Variants in MINDY3 observed in about 807,000 individuals in gnomAD.
MINDY3 encodes MINDY lysine 48 deubiquitinase 3, also known as ubiquitin carboxyl-terminal hydrolase MINDY-3.
Under a neutral mutation model 69.2 loss-of-function variants are expected in MINDY3, and 38 were observed. The ratio of observed to expected loss-of-function variants is 0.55; its 90% CI spans 0.42 to 0.72. The LOEUF is 0.72. Ranked by LOEUF, MINDY3 falls within the 30% of genes least tolerant of loss-of-function variation. The probability of loss-of-function intolerance (pLI) is 0.00; values close to 1 mark genes in which losing one functional copy is unlikely to be tolerated. For synonymous variants in MINDY3, 192 were observed against 180.1 expected (o/e 1.07, Z -0.53); for missense variants, 522 against 519.0 (o/e 1.01, Z -0.06).
intron 11 of MINDY3, among the ~76,000 whole-genome samples, chr10:15,794,048 T>C (rs1233438448): frequency 1.3e-5 from 2 of 152,008 alleles, no homozygotes; most frequent in Non-Finnish European, 2.9e-5. Flanking sequence ...CACCTACCTG[T>C]CAGAGAGCTG....
At chr10:15,837,346 G>T in intron 5 of MINDY3, 28 bp from the exon 6 acceptor site, 1 of 1,480,604 alleles carries the variant, frequency 6.8e-7, no homozygotes, top group Non-Finnish European at 9.3e-7. Context: ...TTAAGTATTG[G>T]TATCATGATG....
At chr10:15,848,616 A>G (rs1834023825) in intron 1 of MINDY3, among the ~76,000 whole-genome samples, 1 of 135,330 alleles carries the variant, frequency 7.4e-6, no homozygotes, top group African/African-American at 2.8e-5. Flanking sequence ...CTTGGGCCAC[A>G]GAGCTAGACT....
chr10:15,799,184 T>C lies in MINDY3; in HGVS notation c.883-3012A>G, dbSNP rs1469286288. ...TTTAGATAATATATTACATATTTTT[T>C]CCCCCAAATGCTCTAACATTTATTT... On this transcript the variant is annotated intron_variant, in intron 10 of 14. Transcript: ENST00000277632. Among the ~76,000 whole-genome samples the C allele has an allele frequency of 2.6e-5, 4 of 152,000 alleles. No homozygotes were observed. The South Asian group carries it at 6.2e-4, about 24-fold the overall frequency.
intron 9 of MINDY3, among the ~76,000 whole-genome samples, chr10:15,820,141 G>T (rs961402106): frequency 1.3e-5 from 2 of 152,156 alleles, no homozygotes; most frequent in Non-Finnish European, 2.9e-5. Flanking sequence ...TTGTGGAAAA[G>T]AATATCTGAG....
chr10:15,849,142 A>G (rs1834084700), intron 1 of MINDY3, among the ~76,000 whole-genome samples: 3 of 152,248 alleles, frequency 2.0e-5, no homozygotes, highest in Admixed American at 2.0e-4. Context: ...GGCATGCTCT[A>G]TACTATCATA....
chr10:15,831,192 T>C (rs1476899207), intron 8 of MINDY3, among the ~76,000 whole-genome samples: 1 of 152,132 alleles, frequency 6.6e-6, no homozygotes, highest in Non-Finnish European at 1.5e-5. Flanking sequence ...AGGGTTACAA[T>C]GTGCAGTCAG....
intron 8 of MINDY3, among the ~76,000 whole-genome samples, chr10:15,828,189 T>C (rs1374990448): frequency 6.6e-6 from 1 of 152,232 alleles, no homozygotes; most frequent in African/African-American, 2.4e-5. Context: ...ACTCCACATG[T>C]TGGCGAACAA....
intron 14 of MINDY3, among the ~76,000 whole-genome samples, chr10:15,780,455 A>AAGTT (rs1836436863): frequency 6.6e-6 from 1 of 152,204 alleles, no homozygotes; most frequent in Non-Finnish European, 1.5e-5. Context: ...TCAAGTTATT[A>AAGTT]AGTTAAATAC....
In MINDY3 at chr10:15,779,015, C is replaced by A; in HGVS notation, c.1315G>T (p.Asp439Tyr). 1 of 1,613,210 alleles carries A rather than the reference C, an allele frequency of 6.2e-7. No individual in the cohort carries two copies. Among genetic ancestry groups the A allele is most frequent in the Non-Finnish European group, 8.5e-7 (1 of 1,179,542 alleles). ...AATTAATTTAGTGAAGGAGAGCGATCTGTGGTCCAGAGTAACTCAATGTAT... is the reference window on the plus strand; with the variant it reads ...AATTAATTTAGTGAAGGAGAGCGATATGTGGTCCAGAGTAACTCAATGTAT... ...WPYIELLWTT[D>Y]RSPSLN is the part of the protein sequence containing the mutation. Residue 439 changes from aspartate to tyrosine, a missense_variant, in exon 15 of 15, where the codon GAT (aspartate) becomes TAT (tyrosine). Coordinates refer to ENST00000277632, the MANE Select transcript of MINDY3 (RefSeq NM_024948.4).
Position 15,837,329 on chromosome 10 carries a change from A to G in MINDY3, c.462-11T>C, listed in dbSNP as rs756794863. On this transcript the variant is annotated splice_polypyrimidine_tract_variant and intron_variant, in intron 5 of 14. Transcript: ENST00000277632. ...CTGAACGATCTTTTTCTGGGGGAAA[A>G]AAAGAATTAAGTATTGGTATCATGA... The G allele has an allele frequency of 2.2e-5, 35 of 1,561,152 alleles. No homozygotes were observed. The highest frequency in any genetic ancestry group is 3.0e-5 in the Non-Finnish European group (34 of 1,145,302).
At chr10:15,789,410 G>A (rs1564456973) in intron 11 of MINDY3, 91 bp from the exon 12 acceptor site, 8 of 960,804 alleles carry the variant, frequency 8.3e-6, no homozygotes, top group Admixed American at 2.0e-5. Context: ...AAAAAAAATC[G>A]CATAAAAAAT....
intron 10 of MINDY3, among the ~76,000 whole-genome samples, chr10:15,796,475 TG>T (rs1444343581): frequency 2.1e-5 from 3 of 140,360 alleles, no homozygotes; most frequent in South Asian, 2.1e-4. Context: ...AAATGTAGCA[TG>T]AAAAAAAAAA....
At chr10:15,802,282 A>G (rs756312769) in intron 10 of MINDY3, among the ~76,000 whole-genome samples, 6 of 152,084 alleles carry the variant, frequency 3.9e-5, no homozygotes, top group African/African-American at 7.2e-5. Context: ...CTATAAAGAT[A>G]CTACCTGAGG....
At chr10:15,834,521 A>C (rs372042298) in intron 7 of MINDY3, 22 bp downstream of exon 7, 102 of 1,555,198 alleles carry the variant, frequency 6.6e-5, no homozygotes, top group Non-Finnish European at 8.2e-5. Flanking sequence ...ACATGAGGAG[A>C]CAAGAGATTT....
chr10:15,832,633 C>G (rs942973421), intron 8 of MINDY3, among the ~76,000 whole-genome samples: 1 of 152,086 alleles, frequency 6.6e-6, no homozygotes, highest in Non-Finnish European at 1.5e-5. Flanking sequence ...TCTAACCTCA[C>G]CACTAAGTAA....
chr10:15,795,890 T>A (rs1283290098), intron 11 of MINDY3, among the ~76,000 whole-genome samples: 2 of 152,022 alleles, frequency 1.3e-5, no homozygotes. Context: ...CCTTCAGTAC[T>A]CCAAGAAACA....
At chr10:15,795,927 T>A (rs1037469349) in intron 11 of MINDY3, among the ~76,000 whole-genome samples, 173 bp downstream of exon 11, 4 of 152,000 alleles carry the variant, frequency 2.6e-5, no homozygotes, top group African/African-American at 7.2e-5. Context: ...CAAGGACTTG[T>A]GTGCTATTTC....
At position 15,834,568 on chromosome 10, in the gene MINDY3, T is replaced by C. The variant is rs1832950621; in HGVS notation, c.625A>G (p.Ile209Val). 1.2e-6 allele frequency: 2 copies of C among 1,611,858 alleles called. No homozygotes were observed. ...CTGCCATGTCCATATACAGGATCTA[T>C]CAAGGGTTCACTTGCATCTTCAATT... ...NEIEDASEPL[I>V]DPVYGHGSQS... Residue 209 changes from isoleucine to valine, a missense_variant, in exon 7 of 15, where the codon ATA becomes GTA. By Grantham distance (29) the Ile-to-Val change is conservative. Transcript: ENST00000277632.
chr10:15,823,765 C>T (rs1052375628), intron 8 of MINDY3, among the ~76,000 whole-genome samples: 6 of 152,072 alleles, frequency 3.9e-5, no homozygotes, highest in African/African-American at 1.4e-4. Context: ...TATGTTTGTA[C>T]TCTAACCCAC....
Sources: allele counts gnomAD v4.1 joint callset (sites outside exome capture counted in the v4.1 genomes callset), GRCh38; gene constraint gnomAD v4.1.1; transcripts MANE v1.5; gene names NCBI Gene and HGNC (gene_info 2026-07-23, HGNC 2026-07-21).